Variants in ENOX2 observed in about 807,000 individuals in gnomAD.
ENOX2 encodes ecto-NOX disulfide-thiol exchanger 2, also known as APK1 antigen.
Under a neutral mutation model 45.0 loss-of-function variants are expected in ENOX2, and 36 were observed. The observed-to-expected ratio is 0.80, with a 90% CI of 0.61 to 1.06. The LOEUF is 1.06. Among genes scored for constraint, ENOX2 ranks in the 50% least tolerant of loss-of-function variants. The pLI is 0.00. For missense variants in ENOX2, 423 were observed against 462.5 expected (o/e 0.91, Z 0.78); for synonymous variants, 174 against 152.3 (o/e 1.14, Z -1.05).
chrX:130,832,146 T>C (rs1443365723), intron 2 of ENOX2, among the ~76,000 whole-genome samples: 3 of 110,973 alleles, frequency 2.7e-5, no homozygotes, highest in Non-Finnish European at 5.7e-5. Context: ...ATGCTCTCTT[T>C]GTCAAATATG....
At chrX:130,756,235 T>C (rs2039351960) in intron 3 of ENOX2, among the ~76,000 whole-genome samples, 1 of 112,193 alleles carries the variant, frequency 8.9e-6, no homozygotes, top group Non-Finnish European at 1.9e-5. Context: ...TCCACAGATG[T>C]GGACTTCACC....
intron 3 of ENOX2, among the ~76,000 whole-genome samples, chrX:130,755,038 T>C (rs1471531754): frequency 2.7e-5 from 3 of 112,143 alleles, no homozygotes; most frequent in Middle Eastern, 4.2e-3. Context: ...CTGAACAGAT[T>C]GTTTTTGAAA....
intron 2 of ENOX2, among the ~76,000 whole-genome samples, chrX:130,871,088 C>T (rs1022279206): frequency 8.1e-5 from 9 of 111,535 alleles, no homozygotes. Context: ...CCACCAGTAC[C>T]ATGAGCTAAG....
At chrX:130,744,595 A>G (rs2039057791) in intron 3 of ENOX2, among the ~76,000 whole-genome samples, 1 of 112,601 alleles carries the variant, frequency 8.9e-6, no homozygotes, top group South Asian at 3.7e-4. Flanking sequence ...GAATTGAAAT[A>G]TACATCATTT....
chrX:130,771,509 C>T (rs2039740406), intron 3 of ENOX2, among the ~76,000 whole-genome samples: 1 of 111,580 alleles, frequency 9.0e-6, no homozygotes, highest in African/African-American at 3.3e-5. Flanking sequence ...CTCCACAACT[C>T]TTCAAGCCCT....
chrX:130,815,804 T>A (rs1306602450), intron 2 of ENOX2, among the ~76,000 whole-genome samples: 1 of 111,753 alleles, frequency 8.9e-6, no homozygotes, highest in Non-Finnish European at 1.9e-5. Context: ...TACCTAATCG[T>A]AAAGACCATC....
chrX:130,632,436 C>T, intron 12 of ENOX2, among the ~76,000 whole-genome samples: 1 of 106,125 alleles, frequency 9.4e-6, no homozygotes, highest in South Asian at 4.4e-4. Context: ...AAAATACCTC[C>T]AGACCTTTCA....
At chrX:130,803,073 G>T (rs1306521142) in intron 2 of ENOX2, among the ~76,000 whole-genome samples, 1 of 111,818 alleles carries the variant, frequency 8.9e-6, no homozygotes, top group Non-Finnish European at 1.9e-5. Context: ...TAAAATGTAA[G>T]AATATGGGCT....
At chrX:130,645,930 C>T (rs1047851911) in intron 10 of ENOX2, 16 of 698,291 alleles carry the variant, frequency 2.3e-5, no homozygotes, top group East Asian at 1.9e-4. Context: ...CAATAGCAGT[C>T]GTCCCAGCAA....
intron 10 of ENOX2, chrX:130,645,883 A>T (rs1482326424): frequency 1.0e-5 from 7 of 671,641 alleles, no homozygotes; most frequent in Non-Finnish European, 1.7e-5. Context: ...CAAGACCATG[A>T]TCAGCCCATC....
intron 3 of ENOX2, among the ~76,000 whole-genome samples, chrX:130,771,366 T>A (rs780266571): frequency 1.8e-5 from 2 of 112,355 alleles, no homozygotes; most frequent in Admixed American, 9.4e-5. Flanking sequence ...TGGCCTCAAC[T>A]AGCTTGGGAC....
intron 10 of ENOX2, among the ~76,000 whole-genome samples, chrX:130,642,846 C>G (rs753159844): frequency 5.3e-5 from 6 of 112,400 alleles, no homozygotes; most frequent in African/African-American, 1.9e-4. Context: ...GCTTAAAAGA[C>G]TACAGTATAA....
chrX:130,657,053 C>A (rs2036567563), intron 9 of ENOX2, among the ~76,000 whole-genome samples: 1 of 111,570 alleles, frequency 9.0e-6, no homozygotes, highest in Admixed American at 9.6e-5. Context: ...CACGTTGGAC[C>A]CTTTAATTTT....
At chrX:130,826,038 T>A (rs1034721085) in intron 2 of ENOX2, among the ~76,000 whole-genome samples, 1 of 111,203 alleles carries the variant, frequency 9.0e-6, no homozygotes, top group African/African-American at 3.3e-5. Context: ...TTCAGTACCA[T>A]CCATGGTTTT....
At chrX:130,790,176 G>A (rs1406155870) in intron 2 of ENOX2, among the ~76,000 whole-genome samples, 1 of 112,792 alleles carries the variant, frequency 8.9e-6, no homozygotes, top group Non-Finnish European at 1.9e-5. Flanking sequence ...TGAAGAAGAA[G>A]TGAGAAAGAA....
chrX:130,727,253 G>A (rs1057079758), intron 3 of ENOX2, among the ~76,000 whole-genome samples: 2 of 111,990 alleles, frequency 1.8e-5, no homozygotes, highest in African/African-American at 3.2e-5. Flanking sequence ...GGAGCAAACC[G>A]AGCCACAGAA....
chrX:130,809,801 G>T (rs1369876951), intron 2 of ENOX2, among the ~76,000 whole-genome samples: 1 of 110,247 alleles, frequency 9.1e-6, no homozygotes, highest in Admixed American at 9.7e-5. Flanking sequence ...AAAAGAGGTA[G>T]ACAAGGAGCA....
chrX:130,703,046 G>A, intron 4 of ENOX2, 74 bp downstream of exon 4: 1 of 999,854 alleles, frequency 1.0e-6, no homozygotes. Flanking sequence ...AAAATAAGTT[G>A]TGTCATACTG....
chrX:130,879,472 T>C (rs926096905), intron 2 of ENOX2, among the ~76,000 whole-genome samples: 1 of 101,642 alleles, frequency 9.8e-6, no homozygotes, highest in African/African-American at 3.5e-5. Context: ...CCCTCCCATC[T>C]TATCTCTTCA....
Sources: gnomAD v4.1 joint callset for allele counts (sites outside exome capture counted in the v4.1 genomes callset) on GRCh38, gnomAD v4.1.1 for gene constraint, MANE v1.5 for transcripts, NCBI Gene and HGNC (gene_info 2026-07-23, HGNC 2026-07-21) for gene names.